Variants in SLC9A9 observed in about 807,000 individuals in gnomAD.
SLC9A9 encodes sodium/hydrogen exchanger 9.
SLC9A9 carries 62 observed loss-of-function variants against 77.8 expected under a neutral mutation model. The ratio of observed to expected loss-of-function variants is 0.80; its 90% CI spans 0.65 to 0.98. The LOEUF is 0.98. Among genes scored for constraint, SLC9A9 ranks in the 50% least tolerant of loss-of-function variants. The pLI, the probability that SLC9A9 is intolerant of heterozygous loss-of-function variation, is 0.00. For missense variants in SLC9A9, 775 were observed against 774.9 expected (o/e 1.00, Z 0.00); for synonymous variants, 320 against 283.5 (o/e 1.13, Z -1.29).
chr3:143,570,798 TTA>T (rs1045607161), intron 8 of SLC9A9, among the ~76,000 whole-genome samples: 3 of 151,894 alleles, frequency 2.0e-5, no homozygotes, highest in African/African-American at 4.8e-5. Flanking sequence ...GTGTGTATAA[TTA>T]TATATATATA....
At chr3:143,827,554 C>G (rs2009331497) in intron 2 of SLC9A9, among the ~76,000 whole-genome samples, 1 of 152,144 alleles carries the variant, frequency 6.6e-6, no homozygotes, top group Non-Finnish European at 1.5e-5. Flanking sequence ...CAACAGCTCT[C>G]ATATTTTCCA....
At chr3:143,397,300 C>T (rs192627848) in intron 12 of SLC9A9, among the ~76,000 whole-genome samples, 2 of 152,314 alleles carry the variant, frequency 1.3e-5, no homozygotes, top group East Asian at 3.9e-4. Flanking sequence ...AATGCACATC[C>T]CCAGAAAAGC....
At chr3:143,277,953 C>G (rs2108403406) in intron 14 of SLC9A9, among the ~76,000 whole-genome samples, 1 of 152,296 alleles carries the variant, frequency 6.6e-6, no homozygotes, top group East Asian at 1.9e-4. Flanking sequence ...AGAGTTTTAG[C>G]TAGCTACCCC....
At chr3:143,374,389 T>C (rs187689162) in intron 13 of SLC9A9, among the ~76,000 whole-genome samples, 2,544 of 130,914 alleles carry the variant, frequency 0.019, 34 homozygotes, top group Middle Eastern at 0.051. Flanking sequence ...CGCACCACTG[T>C]ACTCCAGCCT....
chr3:143,340,088 G>A (rs910279264), intron 14 of SLC9A9, among the ~76,000 whole-genome samples: 9 of 152,316 alleles, frequency 5.9e-5, no homozygotes, highest in East Asian at 1.9e-4. Flanking sequence ...TTAAACTGAT[G>A]TTAGAAGCCC....
intron 9 of SLC9A9, among the ~76,000 whole-genome samples, chr3:143,540,385 G>A (rs747683670): frequency 1.3e-5 from 2 of 152,160 alleles, no homozygotes; most frequent in Non-Finnish European, 2.9e-5. Flanking sequence ...ACTATTCTTG[G>A]CTCTACCTAT....
intron 13 of SLC9A9, among the ~76,000 whole-genome samples, chr3:143,379,015 CATATTAAT>C: frequency 6.6e-6 from 1 of 151,018 alleles, no homozygotes; most frequent in East Asian, 1.9e-4. Context: ...AATTTAAAAA[CATATTAAT>C]ATATATAATT....
At chr3:143,766,719 C>T (rs1397644624) in intron 4 of SLC9A9, among the ~76,000 whole-genome samples, 2 of 152,076 alleles carry the variant, frequency 1.3e-5, no homozygotes, top group Non-Finnish European at 2.9e-5. Context: ...ACAGGTGCCA[C>T]CACCTTGCCT....
At chr3:143,607,255 C>T (rs543237027) in intron 6 of SLC9A9, among the ~76,000 whole-genome samples, 5 of 151,696 alleles carry the variant, frequency 3.3e-5, no homozygotes, top group East Asian at 1.9e-4. Context: ...TTACTACTAC[C>T]GAGATAATTT....
intron 4 of SLC9A9, among the ~76,000 whole-genome samples, chr3:143,756,243 A>G (rs1238267754): frequency 6.6e-6 from 1 of 152,148 alleles, no homozygotes; most frequent in African/African-American, 2.4e-5. Flanking sequence ...CCATAACTAG[A>G]CCTCAGGTTT....
intron 4 of SLC9A9, among the ~76,000 whole-genome samples, chr3:143,707,348 C>T (rs1934010114): frequency 7.1e-6 from 1 of 140,880 alleles, no homozygotes; most frequent in Non-Finnish European, 1.5e-5. Context: ...CCTATTAGTA[C>T]ATTTTATATA....
At chr3:143,317,753 A>T (rs2031268251) in intron 14 of SLC9A9, among the ~76,000 whole-genome samples, 1 of 151,756 alleles carries the variant, frequency 6.6e-6, no homozygotes, top group African/African-American at 2.4e-5. Context: ...TTTGAGACAG[A>T]GTCTCGCTCT....
intron 14 of SLC9A9, among the ~76,000 whole-genome samples, chr3:143,302,448 A>G (rs924368715): frequency 6.6e-6 from 1 of 152,212 alleles, no homozygotes; most frequent in Non-Finnish European, 1.5e-5. Flanking sequence ...ATTAATAAAT[A>G]TTAAGAGGAA....
At chr3:143,291,982 C>G (rs983496340) in intron 14 of SLC9A9, among the ~76,000 whole-genome samples, 2 of 152,160 alleles carry the variant, frequency 1.3e-5, no homozygotes, top group East Asian at 1.9e-4. Flanking sequence ...GGGATGGGCC[C>G]GAGAGGAATC....
intron 4 of SLC9A9, chr3:143,698,268 G>A (rs1362448736): frequency 6.5e-6 from 1 of 153,694 alleles, no homozygotes; most frequent in African/African-American, 2.4e-5. Context: ...TACAGGGGTG[G>A]ACAGAAGCAG....
intron 4 of SLC9A9, among the ~76,000 whole-genome samples, chr3:143,736,301 T>G (rs1182187787): frequency 6.6e-6 from 1 of 152,220 alleles, no homozygotes; most frequent in Non-Finnish European, 1.5e-5. Flanking sequence ...TTTATTTCTC[T>G]TCTAGAATGG....
At chr3:143,394,800 C>T (rs546233459) in intron 12 of SLC9A9, among the ~76,000 whole-genome samples, 3 of 152,290 alleles carry the variant, frequency 2.0e-5, no homozygotes, top group East Asian at 1.9e-4. Flanking sequence ...CATTCCTATA[C>T]ACCAATAACA....
At chr3:143,655,698 A>ACACAC (rs2038877755) in intron 5 of SLC9A9, 1 of 927,858 alleles carries the variant, frequency 1.1e-6, no homozygotes, top group Non-Finnish European at 1.3e-6. Flanking sequence ...ACACACACAC[A>ACACAC]CACACACACA....
intron 6 of SLC9A9, among the ~76,000 whole-genome samples, chr3:143,619,966 C>T (rs1259258120): frequency 6.6e-6 from 1 of 152,158 alleles, no homozygotes; most frequent in African/African-American, 2.4e-5. Flanking sequence ...AGAGGTGGAG[C>T]TTCAACCTGG....
Sources: allele counts gnomAD v4.1 joint callset (sites outside exome capture counted in the v4.1 genomes callset), GRCh38; gene constraint gnomAD v4.1.1; transcripts MANE v1.5; gene names NCBI Gene and HGNC (gene_info 2026-07-23, HGNC 2026-07-21).